The following GABPB1 variants were observed in gnomAD, a reference collection of about 807,000 sequenced individuals.
The protein encoded by GABPB1 is GA binding protein transcription factor subunit beta 1, also known as GA-binding protein subunit beta-1.
Under a neutral mutation model 45.9 loss-of-function variants are expected in GABPB1, and 15 were observed. The observed-to-expected ratio is 0.33, with a 90% CI of 0.22 to 0.50. GABPB1 has a LOEUF of 0.50. GABPB1 is among the 20% of genes least tolerant of loss of function. GABPB1 has a pLI of 0.98. For missense variants in GABPB1, 252 were observed against 457.5 expected (o/e 0.55, Z 4.10); for synonymous variants, 143 against 154.4 (o/e 0.93, Z 0.55).
chr15:50,306,520 C>T (rs8041427), intron 2 of GABPB1, among the ~76,000 whole-genome samples: 2,241 of 151,186 alleles, frequency 0.015, 64 homozygotes, highest in African/African-American at 0.052. Flanking sequence ...CCAGCTACTT[C>T]GGTGCCTGAG....
chr15:50,286,017 A>C, intron 8 of GABPB1, 51 bp downstream of exon 8: 1 of 1,585,604 alleles, frequency 6.3e-7, no homozygotes, highest in Non-Finnish European at 8.6e-7. Flanking sequence ...AAAAAAATTG[A>C]ATTTATTTTG....
chr15:50,292,884 G>C (rs2046396698), intron 6 of GABPB1, among the ~76,000 whole-genome samples: 1 of 149,092 alleles, frequency 6.7e-6, no homozygotes, highest in Non-Finnish European at 1.5e-5. Context: ...GCACACATGT[G>C]TCAGAGAACA....
At chr15:50,344,571 G>A (rs563848218) in intron 1 of GABPB1, among the ~76,000 whole-genome samples, 1 of 152,084 alleles carries the variant, frequency 6.6e-6, no homozygotes, top group African/African-American at 2.4e-5. Context: ...GTAAAAAACT[G>A]TGCTCACGCC....
intron 6 of GABPB1, among the ~76,000 whole-genome samples, chr15:50,293,026 A>G (rs1474977148): frequency 6.6e-6 from 1 of 152,202 alleles, no homozygotes; most frequent in Admixed American, 6.5e-5. Context: ...AAAAAGAGGA[A>G]TGACATTAAA....
chr15:50,280,505 C>T (rs2045939961), intron 8 of GABPB1, among the ~76,000 whole-genome samples: 1 of 152,174 alleles, frequency 6.6e-6, no homozygotes, highest in Admixed American at 6.5e-5. Flanking sequence ...AATGCCAGCA[C>T]TTTGAGAGGC....
intron 1 of GABPB1, among the ~76,000 whole-genome samples, chr15:50,343,001 G>A (rs558281319): frequency 4.5e-4 from 68 of 152,132 alleles, no homozygotes; most frequent in African/African-American, 1.6e-3. Context: ...CCGGGTTCAC[G>A]CCATTCTCCT....
chr15:50,310,926 G>A (rs1342043631), intron 1 of GABPB1, among the ~76,000 whole-genome samples: 2 of 149,964 alleles, frequency 1.3e-5, no homozygotes, highest in Non-Finnish European at 3.0e-5. Flanking sequence ...GCAGTGAGCC[G>A]AGATCATGCC....
At chr15:50,321,703 G>GAAA (rs61483731) in intron 1 of GABPB1, among the ~76,000 whole-genome samples, 11 of 123,124 alleles carry the variant, frequency 8.9e-5, no homozygotes, top group East Asian at 3.0e-4. Context: ...CTCCGTCTCA[G>GAAA]AAAAAAAAAA....
intron 6 of GABPB1, among the ~76,000 whole-genome samples, chr15:50,293,521 G>C (rs1303798585): frequency 6.6e-6 from 1 of 152,136 alleles, no homozygotes; most frequent in Non-Finnish European, 1.5e-5. Flanking sequence ...AAAATGAAAT[G>C]TAGGACATAA....
At chr15:50,353,346 T>C (rs2048928727) in intron 1 of GABPB1, 1 of 152,116 alleles carries the variant, frequency 6.6e-6, no homozygotes, top group South Asian at 2.1e-4. Context: ...TGATTTGACT[T>C]GTATGGTGAA....
At chr15:50,284,661 CTG>C in intron 8 of GABPB1, among the ~76,000 whole-genome samples, 1 of 152,052 alleles carries the variant, frequency 6.6e-6, no homozygotes, top group East Asian at 1.9e-4. Flanking sequence ...AAAATATAAT[CTG>C]TTGAATTAAA....
chr15:50,334,606 C>A (rs1305884403), intron 1 of GABPB1, among the ~76,000 whole-genome samples: 1 of 144,634 alleles, frequency 6.9e-6, no homozygotes, highest in Non-Finnish European at 1.5e-5. Context: ...TTCCTGGACT[C>A]AAGTGATCCT....
At chr15:50,306,207 T>C (rs2046942814) in intron 2 of GABPB1, among the ~76,000 whole-genome samples, 1 of 152,044 alleles carries the variant, frequency 6.6e-6, no homozygotes, top group African/African-American at 2.4e-5. Flanking sequence ...TGGCCTCAAA[T>C]AATCTGCCAC....
intron 1 of GABPB1, among the ~76,000 whole-genome samples, chr15:50,319,331 G>A (rs765548851): frequency 5.3e-5 from 8 of 152,016 alleles, no homozygotes; most frequent in Non-Finnish European, 8.8e-5. Context: ...TTTGTTACAC[G>A]TATATATTGC....
At chr15:50,335,618 G>T (rs1277332991) in intron 1 of GABPB1, among the ~76,000 whole-genome samples, 2 of 152,082 alleles carry the variant, frequency 1.3e-5, no homozygotes, top group East Asian at 3.9e-4. Flanking sequence ...AGACTGGTCG[G>T]CCGGGTGCAG....
chr15:50,298,699 T>C (rs2046611770), intron 6 of GABPB1, among the ~76,000 whole-genome samples: 1 of 152,166 alleles, frequency 6.6e-6, no homozygotes, highest in South Asian at 2.1e-4. Context: ...ATGCCTGTAA[T>C]CCTAGCACCT....
chr15:50,342,395 T>A (rs1024406974), intron 1 of GABPB1, among the ~76,000 whole-genome samples: 1 of 152,182 alleles, frequency 6.6e-6, no homozygotes, highest in African/African-American at 2.4e-5. Flanking sequence ...TTTTAGTATC[T>A]AGCAGCTTCT....
chr15:50,330,235 T>C (rs1452619152), intron 1 of GABPB1, among the ~76,000 whole-genome samples: 3 of 152,126 alleles, frequency 2.0e-5, no homozygotes. Flanking sequence ...CAAAGGAACA[T>C]ACTAAACACA....
At chr15:50,291,341 C>A (rs926124041) in intron 6 of GABPB1, among the ~76,000 whole-genome samples, 2 of 149,416 alleles carry the variant, frequency 1.3e-5, no homozygotes, top group Non-Finnish European at 3.0e-5. Context: ...TTTTTTGAGA[C>A]GAAATCTCAC....
Sources: allele counts gnomAD v4.1 joint callset (sites outside exome capture counted in the v4.1 genomes callset), GRCh38; gene constraint gnomAD v4.1.1; transcripts MANE v1.5; gene names NCBI Gene and HGNC (gene_info 2026-07-23, HGNC 2026-07-21).